Variants in PKIA observed in about 807,000 individuals in gnomAD.
PKIA encodes the protein PKI-alpha.
In PKIA, 4 loss-of-function variants were observed where a neutral mutation model predicts 7.6. The ratio of observed to expected loss-of-function variants is 0.52; its 90% CI spans 0.26 to 1.20. The LOEUF is 1.20. PKIA is among the 50% of genes most tolerant of loss of function. The pLI is 0.13. For missense variants in PKIA, 73 were observed against 86.2 expected, an observed-to-expected ratio of 0.85 and a Z score of 0.61; for synonymous variants, 21 against 30.7, an observed-to-expected ratio of 0.68 and a Z score of 1.04.
At chr8:78,598,801 T>A (rs1808288871) in intron 3 of PKIA, among the ~76,000 whole-genome samples, 1 of 152,108 alleles carries the variant, frequency 6.6e-6, no homozygotes, top group Non-Finnish European at 1.5e-5. Flanking sequence ...TGGTGTGTTT[T>A]TTTAAATCCT....
intron 2 of PKIA, among the ~76,000 whole-genome samples, chr8:78,578,421 A>C (rs1435815358): frequency 1.3e-5 from 2 of 151,998 alleles, no homozygotes; most frequent in Non-Finnish European, 2.9e-5. Context: ...AACATTGTGT[A>C]CTTGTATCTT....
chr8:78,593,458 G>C (rs1220496484), intron 2 of PKIA, among the ~76,000 whole-genome samples: 3 of 152,110 alleles, frequency 2.0e-5, no homozygotes, highest in African/African-American at 7.2e-5. Flanking sequence ...AAGAGACTAA[G>C]AGTGAAAATC....
At position 78,604,283 on chromosome 8, in the gene PKIA, T is replaced by G. The variant is rs571913894; in HGVS notation, c.*2462T>G. On this transcript the variant is annotated 3_prime_UTR_variant, in exon 4 of 4. Transcript: ENST00000396418. ...CTCAAACAATTCTATTAGAGTGGTATTTTTATCCAATTTCACAGATTAAAA... is the reference window on the plus strand; with the variant it reads ...CTCAAACAATTCTATTAGAGTGGTAGTTTTATCCAATTTCACAGATTAAAA... 6.6e-6 allele frequency: 1 copy of G among 152,090 alleles called. No individual in the cohort carries two copies. Among genetic ancestry groups the G allele is most frequent in the South Asian group, 2.1e-4 (1 of 4,826 alleles). 9.4% of individuals were successfully genotyped at this position (152,090 alleles called of 1,614,324 possible). A position where few individuals can be genotyped will look rare whatever the true frequency, so the allele number is the denominator to read the frequency against.
intron 2 of PKIA, among the ~76,000 whole-genome samples, chr8:78,580,844 TG>T (rs1563588002): frequency 6.6e-6 from 1 of 151,922 alleles, no homozygotes; most frequent in Non-Finnish European, 1.5e-5. Flanking sequence ...TGGATGAAAA[TG>T]GGGGAATGAA....
intron 2 of PKIA, among the ~76,000 whole-genome samples, chr8:78,583,747 T>C (rs995508683): frequency 6.6e-6 from 1 of 152,106 alleles, no homozygotes; most frequent in Non-Finnish European, 1.5e-5. Flanking sequence ...AGAGACAATG[T>C]TGGCTTGACC....
chr8:78,547,222 C>T (rs2118446322), intron 1 of PKIA, among the ~76,000 whole-genome samples: 1 of 152,218 alleles, frequency 6.6e-6, no homozygotes, highest in East Asian at 1.9e-4. Context: ...AACTCTCCTG[C>T]CTCAGCCTCC....
chr8:78,554,550 A>G (rs1192670391), intron 1 of PKIA, among the ~76,000 whole-genome samples: 4 of 152,010 alleles, frequency 2.6e-5, no homozygotes, highest in Admixed American at 2.6e-4. Context: ...AATTCCCTGC[A>G]AATTGTATTT....
intron 2 of PKIA, among the ~76,000 whole-genome samples, chr8:78,590,360 TTCTA>T (rs1808065418): frequency 6.6e-6 from 1 of 151,898 alleles, no homozygotes; most frequent in African/African-American, 2.4e-5. Flanking sequence ...AATGGGAACT[TTCTA>T]AAGGCAGAGT....
At chr8:78,536,152 T>G (rs1806516123) in intron 1 of PKIA, among the ~76,000 whole-genome samples, 2 of 151,978 alleles carry the variant, frequency 1.3e-5, no homozygotes, top group South Asian at 4.2e-4. Context: ...ACTGGTGGGG[T>G]ATGACCTGTA....
chr8:78,525,229 A>C (rs1457629960), intron 1 of PKIA, among the ~76,000 whole-genome samples: 4 of 151,836 alleles, frequency 2.6e-5, no homozygotes, highest in Non-Finnish European at 5.9e-5. Flanking sequence ...ACTTTTAGAA[A>C]ACTCAGAATG....
At chr8:78,541,157 GATAA>G (rs1284089096) in intron 1 of PKIA, among the ~76,000 whole-genome samples, 5 of 151,956 alleles carry the variant, frequency 3.3e-5, no homozygotes, top group Non-Finnish European at 5.9e-5. Flanking sequence ...AATTCTTCCT[GATAA>G]ATAATATTCT....
At chr8:78,598,094 A>G (rs1392918011) in intron 2 of PKIA, among the ~76,000 whole-genome samples, 2 of 148,252 alleles carry the variant, frequency 1.3e-5, no homozygotes, top group African/African-American at 2.4e-5. Flanking sequence ...AATAATAATT[A>G]ATATTATTAC....
chr8:78,556,442 G>GA (rs113549732), intron 1 of PKIA: 1 of 150,772 alleles, frequency 6.6e-6, no homozygotes, highest in Non-Finnish European at 1.5e-5. Flanking sequence ...ATGGGATTTT[G>GA]TTTTTTTTTA....
intron 1 of PKIA, among the ~76,000 whole-genome samples, chr8:78,542,129 C>T (rs1301652899): frequency 6.6e-6 from 1 of 152,124 alleles, no homozygotes; most frequent in East Asian, 1.9e-4. Flanking sequence ...CACCACTGCA[C>T]TTCAGCCTAG....
intron 2 of PKIA, among the ~76,000 whole-genome samples, chr8:78,585,664 A>G (rs967426): frequency 0.5 from 75,735 of 151,918 alleles, 22,830 homozygotes; most frequent in African/African-American, 0.86. Context: ...TTGAAACATG[A>G]TCATAGCAAC....
intron 1 of PKIA, among the ~76,000 whole-genome samples, chr8:78,525,008 G>A (rs1157632794): frequency 6.6e-6 from 1 of 151,808 alleles, no homozygotes; most frequent in Non-Finnish European, 1.5e-5. Flanking sequence ...TATGTGGTAG[G>A]AGTAAATTAT....
intron 1 of PKIA, among the ~76,000 whole-genome samples, chr8:78,557,236 A>C (rs943292995): frequency 2.6e-5 from 4 of 152,194 alleles, no homozygotes; most frequent in African/African-American, 7.2e-5. Flanking sequence ...AAATGATAAT[A>C]ACTTGGTTTT....
At chr8:78,537,494 C>G (rs921708630) in intron 1 of PKIA, among the ~76,000 whole-genome samples, 1 of 152,014 alleles carries the variant, frequency 6.6e-6, no homozygotes, top group Non-Finnish European at 1.5e-5. Context: ...CCACCTCCAG[C>G]ACCACCAAAA....
intron 2 of PKIA, among the ~76,000 whole-genome samples, chr8:78,596,101 A>G (rs1457889269): frequency 6.6e-6 from 1 of 151,294 alleles, no homozygotes; most frequent in Non-Finnish European, 1.5e-5. Flanking sequence ...TTTGATTTGC[A>G]TTTTTCTAAT....
Sources: gnomAD v4.1 joint callset for allele counts (sites outside exome capture counted in the v4.1 genomes callset) on GRCh38, gnomAD v4.1.1 for gene constraint, MANE v1.5 for transcripts, NCBI Gene and HGNC (gene_info 2026-07-23, HGNC 2026-07-21) for gene names.